The following NRXN3 variants were observed in gnomAD, a reference collection of about 807,000 sequenced individuals.
NRXN3 encodes neurexin 3.
A neutral mutation model predicts 137.6 loss-of-function variants in NRXN3; 32 were observed. The ratio of observed to expected loss-of-function variants is 0.23; its 90% CI spans 0.18 to 0.31. The LOEUF is 0.31. NRXN3 is among the 10% of genes least tolerant of loss of function. The pLI, the probability that NRXN3 is intolerant of heterozygous loss-of-function variation, is 1.00. For synonymous variants in NRXN3, 798 were observed against 784.5 expected (o/e 1.02, Z -0.29); for missense variants, 1,574 against 2,062.5 (o/e 0.76, Z 4.59).
chr14:78,252,549 G>A (rs1022633885), intron 2 of NRXN3, among the ~76,000 whole-genome samples: 1 of 152,120 alleles, frequency 6.6e-6, no homozygotes, highest in African/African-American at 2.4e-5. Context: ...CTATTCATCC[G>A]ATCCTCTCCT....
At chr14:79,308,924 TA>T (rs1321479274) in intron 15 of NRXN3, among the ~76,000 whole-genome samples, 1 of 147,084 alleles carries the variant, frequency 6.8e-6, no homozygotes, top group African/African-American at 2.5e-5. Context: ...TTTATTTATT[TA>T]TTTTTTAATT....
At chr14:78,188,507 C>A (rs1377946111) in intron 1 of NRXN3, among the ~76,000 whole-genome samples, 1 of 152,178 alleles carries the variant, frequency 6.6e-6, no homozygotes, top group Admixed American at 6.5e-5. Context: ...GGCTAGACAA[C>A]CACTTTGGGG....
intron 4 of NRXN3, among the ~76,000 whole-genome samples, chr14:78,350,717 G>A (rs214031): frequency 0.95 from 144,734 of 152,236 alleles, 68,833 homozygotes; most frequent in Admixed American, 0.98. Flanking sequence ...TGAGGCAGGG[G>A]GCTCATTAAT....
intron 8 of NRXN3, chr14:78,744,975 A>G (rs531122605): frequency 2.0e-5 from 3 of 152,330 alleles, no homozygotes; most frequent in African/African-American, 7.2e-5. Context: ...GCACATCAAG[A>G]GTGGCTTTAC....
chr14:79,379,088 T>G (rs1021986212), intron 15 of NRXN3, among the ~76,000 whole-genome samples: 1 of 152,182 alleles, frequency 6.6e-6, no homozygotes, highest in Non-Finnish European at 1.5e-5. Flanking sequence ...ACTGCAGGCC[T>G]TCTTTAAAAA....
At chr14:79,370,505 A>G (rs1272724041) in intron 15 of NRXN3, among the ~76,000 whole-genome samples, 1 of 151,098 alleles carries the variant, frequency 6.6e-6, no homozygotes, top group Non-Finnish European at 1.5e-5. Flanking sequence ...TTTAGTAGAG[A>G]CAGGGTTTCT....
intron 20 of NRXN3, among the ~76,000 whole-genome samples, chr14:79,846,910 C>T (rs2099376950): frequency 6.6e-6 from 1 of 152,206 alleles, no homozygotes; most frequent in Non-Finnish European, 1.5e-5. Flanking sequence ...TTACCCCCCA[C>T]ACTAGCCTAT....
intron 4 of NRXN3, among the ~76,000 whole-genome samples, chr14:78,486,998 G>T (rs916414753): frequency 6.6e-6 from 1 of 152,118 alleles, no homozygotes; most frequent in Admixed American, 6.6e-5. Flanking sequence ...GAATCAAGAG[G>T]TGCCCAAGAG....
chr14:78,185,078 C>T (rs960770798), intron 1 of NRXN3, among the ~76,000 whole-genome samples: 1 of 152,228 alleles, frequency 6.6e-6, no homozygotes, highest in Admixed American at 6.5e-5. Context: ...TGGGCTTCCA[C>T]AAATTCAATT....
At chr14:78,552,884 A>G (rs1020605413) in intron 4 of NRXN3, among the ~76,000 whole-genome samples, 2 of 152,236 alleles carry the variant, frequency 1.3e-5, no homozygotes, top group African/African-American at 4.8e-5. Flanking sequence ...AGAAAATATT[A>G]AGATAAACAT....
At chr14:79,515,691 T>C (rs17109338) in intron 16 of NRXN3, among the ~76,000 whole-genome samples, 2,700 of 152,314 alleles carry the variant, frequency 0.018, 124 homozygotes, top group East Asian at 0.16. Context: ...TTTTACTTTA[T>C]GGAATTAAAC....
intron 8 of NRXN3, among the ~76,000 whole-genome samples, chr14:78,763,130 G>A (rs1366310830): frequency 2.6e-5 from 4 of 152,162 alleles, no homozygotes; most frequent in South Asian, 4.1e-4. Flanking sequence ...TGCAAAGTGC[G>A]GATTCAAGGC....
chr14:78,445,546 T>G (rs1398372606), intron 4 of NRXN3, among the ~76,000 whole-genome samples: 1 of 152,092 alleles, frequency 6.6e-6, no homozygotes, highest in Non-Finnish European at 1.5e-5. Flanking sequence ...GTGTGGGCAT[T>G]GTGGTTGCAT....
intron 14 of NRXN3, among the ~76,000 whole-genome samples, chr14:78,975,988 CT>C: frequency 6.6e-6 from 1 of 152,246 alleles, no homozygotes; most frequent in South Asian, 2.1e-4. Context: ...GCAGTGCAGT[CT>C]TTGTATCAGT....
intron 16 of NRXN3, among the ~76,000 whole-genome samples, chr14:79,559,918 G>A (rs550324205): frequency 1.1e-3 from 170 of 152,120 alleles, no homozygotes; most frequent in Non-Finnish European, 2.1e-3. Context: ...CCCTGAGGAC[G>A]GGACTAAAAA....
chr14:79,315,405 C>G (rs547327705), intron 15 of NRXN3, among the ~76,000 whole-genome samples: 1 of 151,620 alleles, frequency 6.6e-6, no homozygotes, highest in East Asian at 1.9e-4. Context: ...CCATCCTATT[C>G]GAAAAAAGAA....
In NRXN3 at chr14:79,143,374, G is replaced by A. The variant is rs573195948; in HGVS notation, c.3262+155233G>A. 1.7e-3 allele frequency among the ~76,000 whole-genome samples: 265 copies of A among 152,292 alleles called. 3 individuals are homozygous for A. Among genetic ancestry groups the A allele is most frequent in the Non-Finnish European group, 2.6e-3 (175 of 68,022 alleles). On this transcript the variant is annotated intron_variant, in intron 15 of 20. Coordinates refer to ENST00000335750, the MANE Select transcript of NRXN3 (RefSeq NM_001330195.2). ...CTGCAAACACTTCTAGCTGACAAGA[G>A]AGAAAAAGAAAGTCAGTGAAAAGGA... is the stretch of plus-strand genomic sequence containing the variant.
At chr14:78,894,600 C>T (rs575845039) in intron 10 of NRXN3, among the ~76,000 whole-genome samples, 2 of 152,028 alleles carry the variant, frequency 1.3e-5, no homozygotes, top group East Asian at 3.9e-4. Flanking sequence ...TCAAACTTCT[C>T]CCATGAATCA....
chr14:79,483,512 A>G (rs117340270), intron 16 of NRXN3, among the ~76,000 whole-genome samples: 1 of 152,330 alleles, frequency 6.6e-6, no homozygotes, highest in East Asian at 1.9e-4. Context: ...ATTAACAAAG[A>G]ATTCTCCTAT....
Sources: gnomAD v4.1 joint callset for allele counts (sites outside exome capture counted in the v4.1 genomes callset) on GRCh38, gnomAD v4.1.1 for gene constraint, MANE v1.5 for transcripts, NCBI Gene and HGNC (gene_info 2026-07-23, HGNC 2026-07-21) for gene names.